Variants in ZNF521 observed in about 807,000 individuals in gnomAD.
ZNF521 encodes LYST-interacting protein 3.
In ZNF521, 14 loss-of-function variants were observed where a neutral mutation model predicts 105.5. That is an observed-to-expected ratio of 0.13 (90% CI 0.09 to 0.21). The LOEUF (loss-of-function observed/expected upper bound fraction) is 0.21. Ranked by LOEUF, ZNF521 falls within the 10% of genes least tolerant of loss-of-function variation. The probability of loss-of-function intolerance (pLI) is 1.00; values close to 1 mark genes in which losing one functional copy is unlikely to be tolerated. For synonymous variants in ZNF521, 635 were observed against 606.0 expected (o/e 1.05, Z -0.70); for missense variants, 1,233 against 1,629.7 (o/e 0.76, Z 4.19).
intron 5 of ZNF521, among the ~76,000 whole-genome samples, chr18:25,164,708 G>A (rs1240597146): frequency 6.6e-6 from 1 of 152,184 alleles, no homozygotes; most frequent in Non-Finnish European, 1.5e-5. Flanking sequence ...GGAAAAGGTG[G>A]TTAGAGTGCC....
chr18:25,216,023 CT>C (rs1177115525), intron 4 of ZNF521, among the ~76,000 whole-genome samples: 1 of 152,176 alleles, frequency 6.6e-6, no homozygotes, highest in Non-Finnish European at 1.5e-5. Flanking sequence ...TAAATACTGT[CT>C]CTTTAGAGGG....
chr18:25,265,571 A>G (rs1034938371), intron 3 of ZNF521, among the ~76,000 whole-genome samples: 7 of 152,162 alleles, frequency 4.6e-5, no homozygotes, highest in Non-Finnish European at 1.0e-4. Flanking sequence ...CTGTTCCCTC[A>G]ATACGACTGT....
intron 5 of ZNF521, among the ~76,000 whole-genome samples, chr18:25,146,437 T>C (rs2034944812): frequency 6.6e-6 from 1 of 152,048 alleles, no homozygotes. Context: ...ATAAAAAGCA[T>C]TTAGCAACAA....
intron 5 of ZNF521, among the ~76,000 whole-genome samples, chr18:25,168,814 G>A (rs552751314): frequency 3.3e-5 from 5 of 152,222 alleles, no homozygotes; most frequent in Admixed American, 1.3e-4. Context: ...TGACCTGATC[G>A]ACACTAAGTG....
intron 5 of ZNF521, among the ~76,000 whole-genome samples, chr18:25,114,405 A>G (rs1567967548): frequency 2.0e-5 from 3 of 152,204 alleles, no homozygotes; most frequent in African/African-American, 4.8e-5. Flanking sequence ...ACTGAGGTCT[A>G]TATTTTTAAA....
intron 7 of ZNF521, among the ~76,000 whole-genome samples, chr18:25,082,076 A>G (rs1367283209): frequency 2.0e-5 from 3 of 152,230 alleles, no homozygotes; most frequent in Non-Finnish European, 4.4e-5. Context: ...TAAAAGAGAT[A>G]GATCAATTTA....
At chr18:25,153,175 A>T (rs1395307400) in intron 5 of ZNF521, among the ~76,000 whole-genome samples, 1 of 152,206 alleles carries the variant, frequency 6.6e-6, no homozygotes, top group Non-Finnish European at 1.5e-5. Flanking sequence ...AGTATGGAGA[A>T]TGTTGGTCAG....
chr18:25,250,148 C>T (rs1003490499), intron 3 of ZNF521, among the ~76,000 whole-genome samples: 33 of 152,090 alleles, frequency 2.2e-4, no homozygotes, highest in Admixed American at 6.5e-5. Flanking sequence ...ATCGTATTAG[C>T]CAGGATGGTC....
At chr18:25,178,934 G>A (rs2144583859) in intron 5 of ZNF521, among the ~76,000 whole-genome samples, 1 of 152,090 alleles carries the variant, frequency 6.6e-6, no homozygotes, top group Admixed American at 6.6e-5. Flanking sequence ...GTACACTAAT[G>A]CACACTAGCT....
chr18:25,325,309 T>C (rs1913155496), intron 2 of ZNF521, among the ~76,000 whole-genome samples: 3 of 152,202 alleles, frequency 2.0e-5, no homozygotes, highest in South Asian at 4.1e-4. Flanking sequence ...TTCCCACAGG[T>C]GGCTACACTT....
intron 3 of ZNF521, among the ~76,000 whole-genome samples, chr18:25,274,227 G>A (rs888565658): frequency 6.6e-6 from 1 of 152,156 alleles, no homozygotes; most frequent in Non-Finnish European, 1.5e-5. Flanking sequence ...GGAATACCAA[G>A]GAACCAGCAT....
At chr18:25,310,793 T>C (rs1912263233) in intron 3 of ZNF521, among the ~76,000 whole-genome samples, 1 of 152,198 alleles carries the variant, frequency 6.6e-6, no homozygotes, top group Non-Finnish European at 1.5e-5. Flanking sequence ...TGCTCAAAAA[T>C]AACCCATATA....
intron 3 of ZNF521, among the ~76,000 whole-genome samples, chr18:25,239,357 T>C (rs369224646): frequency 6.6e-6 from 1 of 152,198 alleles, no homozygotes; most frequent in Non-Finnish European, 1.5e-5. Flanking sequence ...TTAGGAAACA[T>C]AGTTCTGAGT....
At position 25,089,319 on chromosome 18, in the gene ZNF521, C is replaced by G. The variant is rs938670249; in HGVS notation, c.3906+146G>C. 8.0e-6 allele frequency: 5 copies of G among 626,476 alleles called. No individual in the cohort carries two copies. The African/African-American group carries it at 9.3e-5, about 12-fold the overall frequency. 38.8% of individuals were successfully genotyped at this position (626,476 alleles called of 1,614,324 possible). Reference sequence around the variant, plus strand: ...TTACTTTGGTGTCTATTAATCCAGGCTCTAATTTTCCCTTTGCCCCCAATA... The same window carrying G: ...TTACTTTGGTGTCTATTAATCCAGGGTCTAATTTTCCCTTTGCCCCCAATA... On this transcript the variant is annotated intron_variant, in intron 7 of 7. Transcript: ENST00000361524.
intron 7 of ZNF521, among the ~76,000 whole-genome samples, chr18:25,081,426 G>C (rs1052639384): frequency 7.2e-5 from 11 of 152,166 alleles, no homozygotes; most frequent in African/African-American, 2.7e-4. Context: ...GGGTGCTGTA[G>C]AAACAATTCA....
chr18:25,183,852 C>T (rs2035674574), intron 5 of ZNF521, among the ~76,000 whole-genome samples: 1 of 151,944 alleles, frequency 6.6e-6, no homozygotes, highest in South Asian at 2.1e-4. Context: ...GACTGAAAAC[C>T]TATTTGATTT....
intron 3 of ZNF521, among the ~76,000 whole-genome samples, chr18:25,272,363 A>C (rs1216964283): frequency 2.0e-5 from 3 of 152,202 alleles, no homozygotes; most frequent in African/African-American, 7.2e-5. Context: ...GCGATTCCTC[A>C]AGGATCTAGA....
chr18:25,311,441 G>A (rs1912301441), intron 3 of ZNF521, among the ~76,000 whole-genome samples: 1 of 150,194 alleles, frequency 6.7e-6, no homozygotes, highest in African/African-American at 2.4e-5. Context: ...TTTCACATTT[G>A]AAAACATGTT....
At chr18:25,251,398 T>C (rs1035889933) in intron 3 of ZNF521, among the ~76,000 whole-genome samples, 2 of 152,234 alleles carry the variant, frequency 1.3e-5, no homozygotes, top group South Asian at 4.1e-4. Context: ...TTTATTAGAA[T>C]TGCCCATTCC....
Sources: gnomAD v4.1 joint callset for allele counts (sites outside exome capture counted in the v4.1 genomes callset) on GRCh38, gnomAD v4.1.1 for gene constraint, MANE v1.5 for transcripts, NCBI Gene and HGNC (gene_info 2026-07-23, HGNC 2026-07-21) for gene names.